Variants in UTRN observed in about 807,000 individuals in gnomAD.
UTRN encodes the protein dystrophin-related protein 1.
A neutral mutation model predicts 463.9 loss-of-function variants in UTRN; 283 were observed. The ratio of observed to expected loss-of-function variants is 0.61; its 90% CI spans 0.55 to 0.67. The LOEUF (loss-of-function observed/expected upper bound fraction) is 0.67, where lower values mean the gene tolerates loss of function less well. Ranked by LOEUF, UTRN falls within the 30% of genes least tolerant of loss-of-function variation. The pLI is 0.00. For missense variants in UTRN, 3,922 were observed against 4,084.3 expected, an observed-to-expected ratio of 0.96 and a Z score of 1.08; for synonymous variants, 1,442 against 1,431.5, an observed-to-expected ratio of 1.01 and a Z score of -0.17.
intron 8 of UTRN, among the ~76,000 whole-genome samples, chr6:144,429,151 T>G (rs1277022058): frequency 2.0e-5 from 3 of 152,198 alleles, no homozygotes; most frequent in African/African-American, 7.2e-5. Flanking sequence ...GTTAAAGTTT[T>G]AAGAAAATGT....
intron 51 of UTRN, among the ~76,000 whole-genome samples, chr6:144,655,611 G>A (rs1779242886): frequency 6.6e-6 from 1 of 152,094 alleles, no homozygotes; most frequent in Admixed American, 6.5e-5. Flanking sequence ...CACTTTAGAG[G>A]CTCCTAAGAA....
At chr6:144,739,244 C>T (rs375133572) in intron 54 of UTRN, among the ~76,000 whole-genome samples, 67 of 152,144 alleles carry the variant, frequency 4.4e-4, no homozygotes, top group Non-Finnish European at 6.5e-4. Flanking sequence ...TGTGATACAA[C>T]GAAGAATTTA....
At chr6:144,625,618 G>A (rs1775863305) in intron 51 of UTRN, among the ~76,000 whole-genome samples, 1 of 152,218 alleles carries the variant, frequency 6.6e-6, no homozygotes, top group East Asian at 1.9e-4. Context: ...TTGGTGCCAT[G>A]TTCAGTGAGA....
chr6:144,547,738 T>C (rs570532083), intron 46 of UTRN, among the ~76,000 whole-genome samples: 1 of 152,320 alleles, frequency 6.6e-6, no homozygotes, highest in Non-Finnish European at 1.5e-5. Flanking sequence ...AGCTAAATAA[T>C]ATAACTTAAT....
intron 13 of UTRN, among the ~76,000 whole-genome samples, chr6:144,443,305 G>A (rs923149361): frequency 2.6e-5 from 4 of 152,142 alleles, no homozygotes; most frequent in Non-Finnish European, 5.9e-5. Flanking sequence ...GCAGTAGTTA[G>A]TTATTATAAC....
chr6:144,377,481 A>T, intron 2 of UTRN, among the ~76,000 whole-genome samples: 1 of 152,260 alleles, frequency 6.6e-6, no homozygotes, highest in East Asian at 1.9e-4. Context: ...GAGTGATTAC[A>T]TATATATACA....
intron 3 of UTRN, among the ~76,000 whole-genome samples, chr6:144,406,361 T>C (rs534140152): frequency 0.052 from 1,673 of 32,420 alleles, 51 homozygotes; most frequent in East Asian, 0.44. Flanking sequence ...CTTTTCTTTT[T>C]TTTTTTTTTT....
Position 144,523,083 on chromosome 6 carries a change from T to C in UTRN, c.5801T>C (p.Val1934Ala), listed in dbSNP as rs1394350267. The C allele has an allele frequency of 6.2e-7, 1 of 1,613,392 alleles. No homozygotes were observed. The highest frequency in any genetic ancestry group is 8.5e-7 in the Non-Finnish European group (1 of 1,179,688). The stretch of plus-strand genomic sequence containing the variant: ...GTCATTCATGAAAAACAGCCAGATG[T>C]CATCCTTGAAGCCTCTGGACCTGAA... Reference protein sequence around the residue: ...IAVIHEKQPDVILEASGPEAI... With the variant: ...IAVIHEKQPDAILEASGPEAI... The change falls in exon 41 of 75, where the codon GTC becomes GCC. Residue 1934 changes from valine (V) to alanine (A), a missense_variant. Physicochemically the swap from Val to Ala is moderately conservative, Grantham distance 64. Around this residue, in one of 3 missense-constraint regions of UTRN, gnomAD observed 2,349 missense variants for 2,303.8 expected, o/e 1.02. Transcript: ENST00000367545.
chr6:144,580,020 AGTAC>A (rs1387371387), intron 51 of UTRN, among the ~76,000 whole-genome samples: 3 of 152,208 alleles, frequency 2.0e-5, no homozygotes, highest in African/African-American at 7.2e-5. Flanking sequence ...TTAGAGATTT[AGTAC>A]CTTTTACTGA....
chr6:144,304,011 C>T (rs1375184201), intron 2 of UTRN, among the ~76,000 whole-genome samples: 1 of 151,908 alleles, frequency 6.6e-6, no homozygotes, highest in Non-Finnish European at 1.5e-5. Context: ...GTAGAAGGGC[C>T]CTGGAGTTCA....
At chr6:144,494,082 A>T (rs1793337702) in intron 33 of UTRN, among the ~76,000 whole-genome samples, 1 of 152,218 alleles carries the variant, frequency 6.6e-6, no homozygotes, top group Admixed American at 6.5e-5. Context: ...AAATTATTCT[A>T]AGGATACTAC....
intron 9 of UTRN, among the ~76,000 whole-genome samples, chr6:144,434,904 G>A (rs1451588180): frequency 6.6e-6 from 1 of 152,174 alleles, no homozygotes; most frequent in African/African-American, 2.4e-5. Context: ...ACTTGGGACA[G>A]TTCTGGTTTG....
rs142321274 is a variant in UTRN at position 144,748,943 on chromosome 6, A to G, written c.8208+429A>G. 2.0e-5 allele frequency among the ~76,000 whole-genome samples: 3 copies of G among 152,258 alleles called. 1 individual carries two copies. The East Asian group carries it at 5.8e-4, about 29-fold the overall frequency. ...TTTTGCAGAATTGTGTCCATATGGT[A>G]TAGTCTCCAGGTTCCTCTCTACTCG... On this transcript the variant is annotated intron_variant, in intron 55 of 74. Coordinates refer to ENST00000367545, the MANE Select transcript of UTRN (RefSeq NM_007124.3).
intron 73 of UTRN, among the ~76,000 whole-genome samples, chr6:144,843,061 T>C (rs1781727751): frequency 6.6e-6 from 1 of 152,216 alleles, no homozygotes. Context: ...AGTGAGTAGA[T>C]AAAATCTCAT....
intron 55 of UTRN, among the ~76,000 whole-genome samples, chr6:144,750,603 C>T (rs1354094608): frequency 1.3e-5 from 2 of 152,174 alleles, no homozygotes; most frequent in Non-Finnish European, 2.9e-5. Flanking sequence ...GGGATGTTTA[C>T]AACACCTACT....
At chr6:144,768,201 A>T (rs1403197191) in intron 58 of UTRN, among the ~76,000 whole-genome samples, 1 of 152,076 alleles carries the variant, frequency 6.6e-6, no homozygotes, top group East Asian at 1.9e-4. Flanking sequence ...CTACAGTCTT[A>T]TATTATTTGT....
At chr6:144,678,764 CT>C (rs576381022) in intron 52 of UTRN, among the ~76,000 whole-genome samples, 186 bp downstream of exon 52, 76 of 152,248 alleles carry the variant, frequency 5.0e-4, no homozygotes, top group African/African-American at 1.7e-3. Context: ...GTGTCCAATA[CT>C]TTCTGCCACC....
Position 144,803,131 on chromosome 6 carries a change from T to C in UTRN, c.9341T>C (p.Val3114Ala). The change falls in exon 65 of 75, where the codon GTG (valine) becomes GCG (alanine). Residue 3114 changes from valine to alanine, a missense_variant. Val to Ala is a moderately conservative substitution (Grantham distance 64). This residue lies in a region of UTRN where 1,309 missense variants were observed against 1,452.6 expected (regional missense o/e 0.90). Coordinates refer to ENST00000367545, the MANE Select transcript of UTRN (RefSeq NM_007124.3). ...AKGHKLHYPM[V>A]EYCIPTTSGE... Reference sequence around the variant, plus strand: ...GGTCACAAATTACATTACCCAATGGTGGAATATTGTATACCTGTGAGTACT... The same window carrying C: ...GGTCACAAATTACATTACCCAATGGCGGAATATTGTATACCTGTGAGTACT... 1 of 1,587,282 alleles carries C rather than the reference T, an allele frequency of 6.3e-7. No individual in the cohort carries two copies.
At chr6:144,428,987 T>C in intron 8 of UTRN, 94 bp downstream of exon 8, 3 of 803,482 alleles carry the variant, frequency 3.7e-6, no homozygotes, top group Non-Finnish European at 5.7e-6. Context: ...AAATGAATTA[T>C]GAGACTTGAA....
Sources: gnomAD v4.1 joint callset for allele counts (sites outside exome capture counted in the v4.1 genomes callset) on GRCh38, gnomAD v4.1.1 for gene constraint, gnomAD v4.1.1 regional missense constraint, MANE v1.5 for transcripts, NCBI Gene and HGNC (gene_info 2026-07-23, HGNC 2026-07-21) for gene names.